The following FKBP15 variants were observed in gnomAD, a reference collection of about 807,000 sequenced individuals.
FKBP15 encodes FK506-binding protein 15.
Under a neutral mutation model 158.1 loss-of-function variants are expected in FKBP15, and 106 were observed. That is an observed-to-expected ratio of 0.67 (90% CI 0.57 to 0.79). FKBP15 has a LOEUF of 0.79. FKBP15 is among the 30% of genes least tolerant of loss of function. The pLI is 0.00. For synonymous variants in FKBP15, 547 were observed against 548.6 expected (o/e 1.00, Z 0.04); for missense variants, 1,287 against 1,479.1 (o/e 0.87, Z 2.13).
chr9:113,194,433 AT>A (rs1830632785), intron 9 of FKBP15, among the ~76,000 whole-genome samples: 1 of 140,168 alleles, frequency 7.1e-6, no homozygotes, highest in African/African-American at 2.8e-5. Flanking sequence ...AAATAAATAA[AT>A]AAATAATAAA....
chr9:113,183,729 C>T (rs775742116), intron 18 of FKBP15, 22 bp downstream of exon 18: 1 of 1,546,864 alleles, frequency 6.5e-7, no homozygotes, highest in East Asian at 2.2e-5. Context: ...CCATCCTAGC[C>T]AGGCCCCGTA....
In FKBP15 at chr9:113,169,450, C is replaced by T. The variant is rs778488499; in HGVS notation, c.3259G>A (p.Gly1087Ser). 1 of 1,614,048 alleles carries T rather than the reference C, an allele frequency of 6.2e-7. No homozygotes were observed. The highest frequency in any genetic ancestry group is 8.5e-7 in the Non-Finnish European group (1 of 1,179,910). ...KVCVREVAPD[G>S]PLQESSTRLS... The stretch of plus-strand genomic sequence containing the variant: ...CTTGTGGAGCTTTCTTGTAGTGGGC[C>T]ATCTGGTGCTACTTCCCTGACACAG... The change falls in exon 26 of 28, where the codon GGC becomes AGC. Residue 1087 changes from glycine (G) to serine (S), a missense_variant. By Grantham distance (56) the Gly-to-Ser change is moderately conservative. Transcript: ENST00000238256.
At chr9:113,216,102 A>AAAAAAAAAC (rs398011925) in intron 1 of FKBP15, among the ~76,000 whole-genome samples, 3 of 148,198 alleles carry the variant, frequency 2.0e-5, no homozygotes, top group African/African-American at 5.0e-5. Flanking sequence ...AAAAAAAAAA[A>AAAAAAAAAC]TCTGCAAGGC....
intron 18 of FKBP15, 99 bp from the exon 19 acceptor site, chr9:113,182,967 A>G: frequency 4.1e-6 from 4 of 964,984 alleles, no homozygotes; most frequent in Non-Finnish European, 4.9e-6. Flanking sequence ...TTGCTGCTCT[A>G]TACCTTTGTC....
At chr9:113,187,473 G>T (rs1342022242) in intron 14 of FKBP15, 2 of 244,956 alleles carry the variant, frequency 8.2e-6, no homozygotes, top group Non-Finnish European at 1.6e-5. Flanking sequence ...ACTTTTAGTA[G>T]AAAAGAATAC....
chr9:113,178,752 A>G lies in FKBP15; in HGVS notation c.1964T>C (p.Leu655Pro), dbSNP rs778660528. Residue 655 changes from leucine to proline, a missense_variant, in exon 20 of 28, where the codon CTG becomes CCG. Leu to Pro is a moderately conservative substitution (Grantham distance 98). Transcript: ENST00000238256. ...TTGGTGAGCAGTCATTTTCAGCTGCAGATGAGAGACCTGTGCAGTGGCCGC... is the reference window on the plus strand; with the variant it reads ...TTGGTGAGCAGTCATTTTCAGCTGCGGATGAGAGACCTGTGCAGTGGCCGC... ...LAAATAQVSH[L>P]QLKMTAHQKK... 1 of 1,609,774 alleles carries G rather than the reference A, an allele frequency of 6.2e-7. No individual in the cohort carries two copies. Among genetic ancestry groups the G allele is most frequent in the Non-Finnish European group, 8.5e-7 (1 of 1,177,944 alleles).
At chr9:113,167,008 A>G (rs1830109063) in intron 27 of FKBP15, among the ~76,000 whole-genome samples, 1 of 152,216 alleles carries the variant, frequency 6.6e-6, no homozygotes, top group Admixed American at 6.5e-5. Flanking sequence ...CGTGATGTGT[A>G]TACAAGTCTC....
At position 113,184,183 on chromosome 9, in the gene FKBP15, C is replaced by T. The variant is rs1830447181; in HGVS notation, c.1716+109G>A. ...TCTAGAATTGTCTAACCCAGTGTAG[C>T]GTTTATCACAGGCTATTTCTGGGGT... is the stretch of plus-strand genomic sequence containing the variant. On this transcript the variant is annotated intron_variant, in intron 17 of 27. Coordinates refer to ENST00000238256, the MANE Select transcript of FKBP15 (RefSeq NM_015258.2). The surrounding 1 kb of genome is among the most constrained non-coding windows in gnomAD (Gnocchi z 4.5). The T allele has an allele frequency of 1.4e-5, 10 of 724,316 alleles. No homozygotes were observed. Among genetic ancestry groups the T allele is most frequent in the South Asian group, 1.1e-4 (6 of 56,556 alleles). 44.9% of individuals were successfully genotyped at this position (724,316 alleles called of 1,614,324 possible).
intron 20 of FKBP15, 76 bp from the exon 21 acceptor site, chr9:113,176,749 T>TCCC: frequency 6.7e-7 from 1 of 1,486,660 alleles, no homozygotes. Context: ...AGCAGCTCTT[T>TCCC]TTTTAAATTA....
Position 113,166,072 on chromosome 9 carries a change from G to A in FKBP15, c.*6C>T. 1 of 1,612,704 alleles carries A rather than the reference G, an allele frequency of 6.2e-7. No homozygotes were observed. Among genetic ancestry groups the A allele is most frequent in the Non-Finnish European group, 8.5e-7 (1 of 1,179,370 alleles). ...AGAGAAACCTTTGCACCAGTTTCCT[G>A]GGTCTTCATCCCAGCCAGTCAATGT... On this transcript the variant is annotated 3_prime_UTR_variant, in exon 28 of 28. Transcript: ENST00000238256.
rs1231551438 is a variant in FKBP15, at chr9:113,161,669, T to C, written c.*4409A>G. ...CAGACGGGGACTCTGCAGGCTCAGA[T>C]TCATTCCCTGTTGGCAGAACCCACC... On this transcript the variant is annotated 3_prime_UTR_variant, in exon 28 of 28. Transcript: ENST00000238256. 5 of 1,613,902 alleles carry C rather than the reference T, an allele frequency of 3.1e-6. No homozygotes were observed. The highest frequency in any genetic ancestry group is 4.2e-6 in the Non-Finnish European group (5 of 1,179,864).
rs1312044396 is a variant in FKBP15, at chr9:113,163,830, T to TAATA, written c.*2244_*2247dup. On this transcript the variant is annotated 3_prime_UTR_variant, in exon 28 of 28. Transcript: ENST00000238256. Reference sequence around the variant, plus strand: ...GCTGCATCTAATAATGTTCAATACTTAATATTCTCTATTTATTACTTACTG... The same window carrying TAATA: ...GCTGCATCTAATAATGTTCAATACTTAATAAATATTCTCTATTTATTACTTACTG... The TAATA allele has an allele frequency of 6.6e-6, 1 of 152,668 alleles. No homozygotes were observed. Among genetic ancestry groups the TAATA allele is most frequent in the Non-Finnish European group, 1.5e-5 (1 of 68,042 alleles). The allele number at this position is 152,668 out of a possible 1,614,324, so 9.5% of individuals were successfully genotyped here.
Position 113,173,539 on chromosome 9 carries a change from C to T in FKBP15, c.2446G>A (p.Ala816Thr), listed in dbSNP as rs375493635. ...TACTGCTGCAGGTGCTCATCCTTGG[C>T]GGAGGCCAACAAATGTTCACATTTT... is the stretch of plus-strand genomic sequence containing the variant. The part of the protein sequence containing the change: ...EAKCEHLLAS[A>T]KDEHLQQYQE... The change falls in exon 23 of 28, where the codon GCC (alanine) becomes ACC (threonine). Residue 816 changes from alanine (A) to threonine (T), a missense_variant. Coordinates refer to ENST00000238256, the MANE Select transcript of FKBP15 (RefSeq NM_015258.2). 2.6e-5 allele frequency: 42 copies of T among 1,613,792 alleles called. No homozygotes were observed. Among genetic ancestry groups the T allele is most frequent in the African/African-American group, 9.3e-5 (7 of 74,896 alleles).
intron 3 of FKBP15, 92 bp downstream of exon 3, chr9:113,207,120 T>G: frequency 2.0e-6 from 2 of 994,328 alleles, no homozygotes; most frequent in Non-Finnish European, 3.1e-6. Flanking sequence ...TAAATAACCG[T>G]TTTGCAACAA....
chr9:113,203,033 A>G lies in FKBP15; in HGVS notation c.327T>C (p.Tyr109=), dbSNP rs369443598. 4.4e-6 allele frequency: 7 copies of G among 1,607,094 alleles called. No homozygotes were observed. The African/African-American group carries it at 8.1e-5, about 18-fold the overall frequency. The change falls in exon 5 of 28, where the codon TAT becomes TAC. Residue 109 remains tyrosine, a splice_region_variant and synonymous_variant. Transcript: ENST00000238256. ...GTTGACTGATATAAAGAAGAATCCT[A>G]TACTGTAGACAAGCAACGACAGATA... is the stretch of plus-strand genomic sequence containing the variant. ...AVLGNHTARE[Y]RILLYISQQQ... is the part of the protein sequence containing the mutation.
chr9:113,190,405 C>T, intron 12 of FKBP15, 66 bp downstream of exon 12: 1 of 1,316,854 alleles, frequency 7.6e-7, no homozygotes, highest in Non-Finnish European at 1.1e-6. Flanking sequence ...ATCACTCCAA[C>T]CAAATGAAAA....
Position 113,164,142 on chromosome 9 carries a change from A to T in FKBP15, c.*1936T>A, listed in dbSNP as rs1183759545. On this transcript the variant is annotated 3_prime_UTR_variant, in exon 28 of 28. Coordinates refer to ENST00000238256, the MANE Select transcript of FKBP15 (RefSeq NM_015258.2). ...GTAAATATATATTTTTAAATAGTCT[A>T]TGACTGTTCTGTTCTCCTAATTCCA... 1 of 152,640 alleles carries T rather than the reference A, an allele frequency of 6.6e-6. No individual in the cohort carries two copies. Among genetic ancestry groups the T allele is most frequent in the East Asian group, 1.9e-4 (1 of 5,198 alleles). 9.5% of individuals were successfully genotyped at this position (152,640 alleles called of 1,614,324 possible).
intron 27 of FKBP15, 93 bp from the exon 28 acceptor site, chr9:113,166,248 A>T (rs1218699968): frequency 2.6e-6 from 3 of 1,172,074 alleles, no homozygotes; most frequent in Non-Finnish European, 3.7e-6. Context: ...TTCTGTTCCC[A>T]GCTCTGGGTC....
intron 1 of FKBP15, 86 bp downstream of exon 1, chr9:113,221,105 A>C: frequency 7.2e-7 from 1 of 1,398,184 alleles, no homozygotes; most frequent in Non-Finnish European, 9.6e-7. Flanking sequence ...AGTTGGGAAA[A>C]GGCCTGAGAA....
Sources: allele counts gnomAD v4.1 joint callset (sites outside exome capture counted in the v4.1 genomes callset), GRCh38; gene constraint gnomAD v4.1.1; non-coding constraint Gnocchi (gnomAD v3.1); transcripts MANE v1.5; gene names NCBI Gene and HGNC (gene_info 2026-07-23, HGNC 2026-07-21).